The following SCUBE3 variants were observed in gnomAD, a reference collection of about 807,000 sequenced individuals.
SCUBE3 encodes signal peptide, CUB domain and EGF like domain containing 3.
SCUBE3 carries 33 observed loss-of-function variants against 116.8 expected under a neutral mutation model. The observed-to-expected ratio is 0.28, with a 90% CI of 0.21 to 0.38. The LOEUF (loss-of-function observed/expected upper bound fraction) is 0.38. Among genes scored for constraint, SCUBE3 ranks in the 10% least tolerant of loss-of-function variants. The probability of loss-of-function intolerance (pLI) is 1.00; values close to 1 mark genes in which losing one functional copy is unlikely to be tolerated. For synonymous variants in SCUBE3, 418 were observed against 496.9 expected (o/e 0.84, Z 2.11); for missense variants, 1,007 against 1,324.8 (o/e 0.76, Z 3.72).
chr6:35,241,741 T>TG lies in SCUBE3; in HGVS notation c.1313-63dup. On this transcript the variant is annotated intron_variant, in intron 11 of 21. Transcript: ENST00000274938. This position sits in a 1 kb window ranked among gnomAD's most constrained non-coding sequence, Gnocchi z 4.1. The stretch of plus-strand genomic sequence containing the variant: ...GTTCAGGCAGCTCCTTCATTCCCCC[T>TG]GGATTCCTCCAGCCAGCGGGGGTTG... 1.3e-6 allele frequency: 2 copies of TG among 1,514,032 alleles called. No homozygotes were observed. The highest frequency in any genetic ancestry group is 2.2e-5 in the South Asian group (2 of 89,076). The allele number at this position is 1,514,032 out of a possible 1,614,324, so 93.8% of individuals were successfully genotyped here. A position where few individuals can be genotyped will look rare whatever the true frequency, so the allele number is the denominator to read the frequency against.
Position 35,228,502 on chromosome 6 carries a change from T to C in SCUBE3, c.209-112T>C. 2 of 1,015,846 alleles carry C rather than the reference T, an allele frequency of 2.0e-6. No individual in the cohort carries two copies. Among genetic ancestry groups the C allele is most frequent in the Non-Finnish European group, 2.8e-6 (2 of 715,278 alleles). 62.9% of individuals were successfully genotyped at this position (1,015,846 alleles called of 1,614,324 possible). On this transcript the variant is annotated intron_variant, in intron 2 of 21. Coordinates refer to ENST00000274938, the MANE Select transcript of SCUBE3 (RefSeq NM_152753.4). This position sits in a 1 kb window ranked among gnomAD's most constrained non-coding sequence, Gnocchi z 4.9. Reference sequence around the variant, plus strand: ...TAAATGAAAACAGAAAAATGCTAAATGGCTTATAGGCCATGAACATAACTA... The same window carrying C: ...TAAATGAAAACAGAAAAATGCTAAACGGCTTATAGGCCATGAACATAACTA...
At chr6:35,226,480 C>CTTTT (rs764779695) in intron 1 of SCUBE3, among the ~76,000 whole-genome samples, 4,370 of 85,178 alleles carry the variant, frequency 0.051, 193 homozygotes, top group East Asian at 0.11. Context: ...TTTCTATGTC[C>CTTTT]TTTTTTTTTT....
Position 35,239,414 on chromosome 6 carries a change from C to G in SCUBE3, c.830-338C>G, listed in dbSNP as rs577188458. Among the ~76,000 whole-genome samples, 168 of 151,932 alleles carry G rather than the reference C, an allele frequency of 1.1e-3. No homozygotes were observed. Among genetic ancestry groups the G allele is most frequent in the African/African-American group, 3.3e-3 (137 of 41,416 alleles). ...CCATCAGCTGGAGACTAAGGGCTAGCCTGTTAGGTCAAATGCCCACCTGCC... is the reference window on the plus strand; with the variant it reads ...CCATCAGCTGGAGACTAAGGGCTAGGCTGTTAGGTCAAATGCCCACCTGCC... On this transcript the variant is annotated intron_variant, in intron 7 of 21. Coordinates refer to ENST00000274938, the MANE Select transcript of SCUBE3 (RefSeq NM_152753.4). This position sits in a 1 kb window ranked among gnomAD's most constrained non-coding sequence, Gnocchi z 4.1.
rs1299423227 is a variant in SCUBE3 at position 35,231,071 on chromosome 6, C to T, written c.335-654C>T. 2.0e-5 allele frequency among the ~76,000 whole-genome samples: 3 copies of T among 152,150 alleles called. No individual in the cohort carries two copies. Among genetic ancestry groups the T allele is most frequent in the East Asian group, 3.9e-4 (2 of 5,188 alleles). On this transcript the variant is annotated intron_variant, in intron 3 of 21. Transcript: ENST00000274938. The surrounding 1 kb of genome is among the most constrained non-coding windows in gnomAD (Gnocchi z 4.2). Reference sequence around the variant, plus strand: ...TGGCAGCTCTCCCCAGATCCCTCCCCGCCAAGTTGTCAGACTTTGTTTTGT... The same window carrying T: ...TGGCAGCTCTCCCCAGATCCCTCCCTGCCAAGTTGTCAGACTTTGTTTTGT...
In SCUBE3 at chr6:35,244,714, C is replaced by T. The variant is rs1427801345; in HGVS notation, c.2304C>T (p.Gly768=). The T allele has an allele frequency of 2.5e-6, 4 of 1,614,044 alleles. No individual in the cohort carries two copies. Among genetic ancestry groups the T allele is most frequent in the African/African-American group, 2.7e-5 (2 of 74,944 alleles). The change falls in exon 18 of 22, where the codon GGC becomes GGT. Residue 768 remains glycine, a synonymous_variant. Coordinates refer to ENST00000274938, the MANE Select transcript of SCUBE3 (RefSeq NM_152753.4). The surrounding 1 kb of genome is among the most constrained non-coding windows in gnomAD (Gnocchi z 4.3). The part of the protein sequence containing the change: ...SIHRCIRCAM[G]SYQPDFRQNF... ...ACCGCTGTATTCGCTGTGCCATGGGCTCCTATCAGCCCGACTTCCGTCAGA... is the reference window on the plus strand; with the variant it reads ...ACCGCTGTATTCGCTGTGCCATGGGTTCCTATCAGCCCGACTTCCGTCAGA...
rs1783720694 is a variant in SCUBE3, at chr6:35,235,308, A to T, written c.712+2007A>T. The T allele has an allele frequency of 2.5e-6, 1 of 403,320 alleles. No homozygotes were observed. The allele number at this position is 403,320 out of a possible 1,614,324, so 25.0% of individuals were successfully genotyped here. On this transcript the variant is annotated intron_variant, in intron 6 of 21. Transcript: ENST00000274938. This position sits in a 1 kb window ranked among gnomAD's most constrained non-coding sequence, Gnocchi z 4.5. ...TAAGGATGAGGAGTGAAGCTGTCAT[A>T]AGGGTCCCAGGGCTCATCATTTGGG...
In SCUBE3 at chr6:35,248,858, G is replaced by T; in HGVS notation, c.*153G>T. Reference sequence around the variant, plus strand: ...CACAAACCAGGCACTCTCCCTTTCTGTCTTTCTAGTTTCCTTTCCTTGTCT... The same window carrying T: ...CACAAACCAGGCACTCTCCCTTTCTTTCTTTCTAGTTTCCTTTCCTTGTCT... On this transcript the variant is annotated 3_prime_UTR_variant, in exon 22 of 22. Transcript: ENST00000274938. 1 of 636,774 alleles carries T rather than the reference G, an allele frequency of 1.6e-6. No homozygotes were observed. The highest frequency in any genetic ancestry group is 1.8e-5 in the African/African-American group (1 of 54,744). The allele number at this position is 636,774 out of a possible 1,614,324, so 39.4% of individuals were successfully genotyped here.
intron 2 of SCUBE3, 147 bp downstream of exon 2, chr6:35,227,849 T>C: frequency 1.2e-6 from 1 of 830,012 alleles, no homozygotes. Flanking sequence ...GGCAACTGCA[T>C]CTTCCCAGAG....
rs2150298440 is a variant in SCUBE3 at position 35,232,181 on chromosome 6, C to A, written c.469+322C>A. ...TAAGCTGCTGCCTATCTGAGAGGGC[C>A]TCACCATATCTTTTTCCTTGGATTG... On this transcript the variant is annotated intron_variant, in intron 4 of 21. Coordinates refer to ENST00000274938, the MANE Select transcript of SCUBE3 (RefSeq NM_152753.4). This position sits in a 1 kb window ranked among gnomAD's most constrained non-coding sequence, Gnocchi z 4.2. Among the ~76,000 whole-genome samples, 1 of 152,214 alleles carries A rather than the reference C, an allele frequency of 6.6e-6. No homozygotes were observed. Among genetic ancestry groups the A allele is most frequent in the South Asian group, 2.1e-4 (1 of 4,816 alleles).
intron 1 of SCUBE3, among the ~76,000 whole-genome samples, chr6:35,225,203 C>A (rs983134246): frequency 2.0e-5 from 3 of 152,238 alleles, no homozygotes; most frequent in Non-Finnish European, 4.4e-5. Flanking sequence ...ATCAGCTACT[C>A]ACAGCCTCTC....
Position 35,250,307 on chromosome 6 carries a change from G to A in SCUBE3, c.*1602G>A, listed in dbSNP as rs2150320588. On this transcript the variant is annotated 3_prime_UTR_variant, in exon 22 of 22. Coordinates refer to ENST00000274938, the MANE Select transcript of SCUBE3 (RefSeq NM_152753.4). ...TCAGTGATTCTCTACCCCAAGTAGG[G>A]AAAACCTCCATCTTTTCCCTGTCTT... 6.6e-6 allele frequency: 1 copy of A among 152,382 alleles called. No individual in the cohort carries two copies. The highest frequency in any genetic ancestry group is 6.5e-5 in the Admixed American group (1 of 15,296). 9.4% of individuals were successfully genotyped at this position (152,382 alleles called of 1,614,324 possible). A position where few individuals can be genotyped will look rare whatever the true frequency, so the allele number is the denominator to read the frequency against.
At position 35,241,447 on chromosome 6, in the gene SCUBE3, G is replaced by A. The variant is rs41270056; in HGVS notation, c.1196-96G>A. The A allele has an allele frequency of 0.017, 19,248 of 1,124,760 alleles. 251 individuals are homozygous for A. The highest frequency in any genetic ancestry group is 0.033 in the South Asian group (2,551 of 77,382). 69.7% of individuals were successfully genotyped at this position (1,124,760 alleles called of 1,614,324 possible). ...ACAATCCCATCATCAGTCTCCATGGGTACAACAATAGTTATGCAAGTAGCT... is the reference window on the plus strand; with the variant it reads ...ACAATCCCATCATCAGTCTCCATGGATACAACAATAGTTATGCAAGTAGCT... On this transcript the variant is annotated intron_variant, in intron 10 of 21. Transcript: ENST00000274938. This position sits in a 1 kb window ranked among gnomAD's most constrained non-coding sequence, Gnocchi z 4.1.
In SCUBE3 at chr6:35,233,188, C is replaced by A; in HGVS notation, c.599C>A (p.Thr200Lys). ...GCCCTGTCCTCTCTGTGCACAGTGA[C>A]ATGCAACTATGGTAACGGCGGCTGC... ...LTKNQRDCKL[T>K]CNYGNGGCQH... Residue 200 changes from threonine (T) to lysine (K), a missense_variant, in exon 6 of 22, where the codon ACA becomes AAA. Physicochemically the swap from Thr to Lys is moderately conservative, Grantham distance 78. This residue lies in a region of SCUBE3 where 214 missense variants were observed against 316.7 expected (regional missense o/e 0.68). Coordinates refer to ENST00000274938, the MANE Select transcript of SCUBE3 (RefSeq NM_152753.4). This position sits in a 1 kb window ranked among gnomAD's most constrained non-coding sequence, Gnocchi z 5.7. 6.2e-7 allele frequency: 1 copy of A among 1,609,802 alleles called. No homozygotes were observed. The highest frequency in any genetic ancestry group is 8.5e-7 in the Non-Finnish European group (1 of 1,176,146).
chr6:35,215,157 A>G (rs1782834670), intron 1 of SCUBE3, among the ~76,000 whole-genome samples: 1 of 151,760 alleles, frequency 6.6e-6, no homozygotes, highest in Non-Finnish European at 1.5e-5. Context: ...TTCATTTCTT[A>G]TCATAATATT....
At chr6:35,215,924 C>T (rs1782872478) in intron 1 of SCUBE3, among the ~76,000 whole-genome samples, 1 of 152,234 alleles carries the variant, frequency 6.6e-6, no homozygotes, top group African/African-American at 2.4e-5. Flanking sequence ...CAGCCCCTCT[C>T]CTCACTGTGG....
chr6:35,242,571 G>C, intron 13 of SCUBE3, 51 bp from the exon 14 acceptor site: 3 of 1,554,738 alleles, frequency 1.9e-6, no homozygotes, highest in Non-Finnish European at 2.6e-6. Context: ...TGGGCTGGGA[G>C]TGAGAACTTT....
Position 35,243,667 on chromosome 6 carries a change from G to GGAGA in SCUBE3, c.1988_1991dup (p.Gly665ArgfsTer13). 6.2e-7 allele frequency: 1 copy of GGAGA among 1,614,098 alleles called. No individual in the cohort carries two copies. The highest frequency in any genetic ancestry group is 1.1e-5 in the South Asian group (1 of 91,072). On this transcript the variant is annotated frameshift_variant, in exon 16 of 22. Coordinates refer to ENST00000274938, the MANE Select transcript of SCUBE3 (RefSeq NM_152753.4). LOFTEE classifies it high-confidence loss of function. This position sits in a 1 kb window ranked among gnomAD's most constrained non-coding sequence, Gnocchi z 6.6. The stretch of plus-strand genomic sequence containing the variant: ...TGCCATGCCCAGCGGGCACCTTCCA[G>GGAGA]GAGAGAGAAGGGCAGCTCTCCTGCG...
intron 1 of SCUBE3, among the ~76,000 whole-genome samples, chr6:35,225,381 G>T (rs1248717586): frequency 1.3e-5 from 2 of 152,174 alleles, no homozygotes; most frequent in African/African-American, 4.8e-5. Context: ...TTATCAGTTG[G>T]ACAAACTGAT....
Position 35,233,622 on chromosome 6 carries a change from T to C in SCUBE3, c.712+321T>C, listed in dbSNP as rs1783640069. On this transcript the variant is annotated intron_variant, in intron 6 of 21. Transcript: ENST00000274938. This position sits in a 1 kb window ranked among gnomAD's most constrained non-coding sequence, Gnocchi z 5.7. ...AGTTGCTTATTGACCAAGGCTGTAGTTGAGAAGTGGGAAGAGATCTGGGGA... is the reference window on the plus strand; with the variant it reads ...AGTTGCTTATTGACCAAGGCTGTAGCTGAGAAGTGGGAAGAGATCTGGGGA... 2.0e-5 allele frequency among the ~76,000 whole-genome samples: 3 copies of C among 152,302 alleles called. No homozygotes were observed. The highest frequency in any genetic ancestry group is 3.4e-3 in the Middle Eastern group (1 of 294).
Sources: gnomAD v4.1 joint callset for allele counts (sites outside exome capture counted in the v4.1 genomes callset) on GRCh38, gnomAD v4.1.1 for gene constraint, gnomAD v4.1.1 regional missense constraint, Gnocchi (gnomAD v3.1) non-coding constraint, MANE v1.5 for transcripts, NCBI Gene and HGNC (gene_info 2026-07-23, HGNC 2026-07-21) for gene names.